GRID2: variants seen among roughly 807,000 people sequenced by gnomAD.
GRID2 encodes glutamate ionotropic receptor delta type subunit 2, also known as glutamate receptor ionotropic, delta-2.
A neutral mutation model predicts 114.8 loss-of-function variants in GRID2; 33 were observed. The observed-to-expected ratio is 0.29, with a 90% CI of 0.22 to 0.38. The LOEUF (loss-of-function observed/expected upper bound fraction) is 0.38. Among genes scored for constraint, GRID2 ranks in the 10% least tolerant of loss-of-function variants. The pLI, the probability that GRID2 is intolerant of heterozygous loss-of-function variation, is 1.00. For missense variants in GRID2, 1,184 were observed against 1,257.7 expected, an observed-to-expected ratio of 0.94 and a Z score of 0.89; for synonymous variants, 505 against 449.9, an observed-to-expected ratio of 1.12 and a Z score of -1.55.
intron 2 of GRID2, among the ~76,000 whole-genome samples, chr4:93,043,019 G>T (rs1369075526): frequency 1.3e-5 from 2 of 152,064 alleles, no homozygotes; most frequent in Non-Finnish European, 2.9e-5. Context: ...AATAGTTTGA[G>T]TGTCTGATTA....
chr4:92,779,348 A>T (rs1308969575), intron 2 of GRID2, among the ~76,000 whole-genome samples: 3 of 152,066 alleles, frequency 2.0e-5, no homozygotes, highest in Non-Finnish European at 4.4e-5. Context: ...GTTCATTTTC[A>T]TAAAATCTTT....
At chr4:93,023,007 C>T (rs1429928144) in intron 2 of GRID2, among the ~76,000 whole-genome samples, 1 of 151,530 alleles carries the variant, frequency 6.6e-6, no homozygotes, top group Non-Finnish European at 1.5e-5. Flanking sequence ...AGAATGTTGA[C>T]ATTGTTTATG....
chr4:93,456,162 A>G (rs942691164), intron 11 of GRID2, among the ~76,000 whole-genome samples, 188 bp downstream of exon 11: 1 of 152,172 alleles, frequency 6.6e-6, no homozygotes, highest in Admixed American at 6.5e-5. Flanking sequence ...AGTTTCCAGC[A>G]ATAATGGTTC....
intron 2 of GRID2, among the ~76,000 whole-genome samples, chr4:92,942,375 G>A (rs548559963): frequency 4.8e-4 from 73 of 152,222 alleles, no homozygotes; most frequent in Non-Finnish European, 7.4e-4. Context: ...TGTTTTATCA[G>A]AGACTAGGAT....
At chr4:93,066,237 A>T (rs1022296358) in intron 2 of GRID2, among the ~76,000 whole-genome samples, 2 of 151,958 alleles carry the variant, frequency 1.3e-5, no homozygotes, top group Non-Finnish European at 2.9e-5. Context: ...GAAAATTAAC[A>T]TGTGATGGTA....
chr4:92,729,062 G>A (rs903359658), intron 2 of GRID2, among the ~76,000 whole-genome samples: 5 of 151,790 alleles, frequency 3.3e-5, no homozygotes, highest in African/African-American at 9.7e-5. Flanking sequence ...GTTTTCTTAG[G>A]GGCTGCCTAC....
chr4:92,808,043 A>G (rs115816043), intron 2 of GRID2, among the ~76,000 whole-genome samples: 2,390 of 152,084 alleles, frequency 0.016, 60 homozygotes, highest in African/African-American at 0.054. Context: ...ATTATATTGT[A>G]ATCATAAGGG....
intron 2 of GRID2, among the ~76,000 whole-genome samples, chr4:92,702,024 G>A (rs1376732931): frequency 1.3e-5 from 2 of 152,124 alleles, no homozygotes; most frequent in African/African-American, 2.4e-5. Flanking sequence ...TTACAACCTC[G>A]ATGTTGGATC....
At chr4:93,125,911 T>C (rs1338881444) in intron 4 of GRID2, among the ~76,000 whole-genome samples, 1 of 152,214 alleles carries the variant, frequency 6.6e-6, no homozygotes, top group African/African-American at 2.4e-5. Flanking sequence ...GCATCCTTTC[T>C]CATGGAAGAT....
At chr4:92,539,703 A>T (rs558652499) in intron 1 of GRID2, among the ~76,000 whole-genome samples, 3 of 152,336 alleles carry the variant, frequency 2.0e-5, no homozygotes, top group African/African-American at 7.2e-5. Flanking sequence ...TTAGAAAAGC[A>T]GTTCTTATAT....
intron 2 of GRID2, among the ~76,000 whole-genome samples, chr4:93,020,954 C>T (rs1723222167): frequency 6.6e-6 from 1 of 151,692 alleles, no homozygotes; most frequent in South Asian, 2.1e-4. Flanking sequence ...ATCGCTTGCA[C>T]TGCAGGCAGA....
At chr4:93,684,446 T>C (rs999356916) in intron 14 of GRID2, among the ~76,000 whole-genome samples, 1 of 151,998 alleles carries the variant, frequency 6.6e-6, no homozygotes, top group African/African-American at 2.4e-5. Flanking sequence ...TTTGTTACCA[T>C]TGACTACAAA....
At chr4:93,574,623 C>G (rs543960082) in intron 13 of GRID2, among the ~76,000 whole-genome samples, 1 of 152,104 alleles carries the variant, frequency 6.6e-6, no homozygotes, top group Non-Finnish European at 1.5e-5. Flanking sequence ...GACTTATTCA[C>G]TATCACAAGA....
intron 2 of GRID2, among the ~76,000 whole-genome samples, chr4:92,625,539 T>C (rs1730478024): frequency 6.6e-6 from 1 of 151,862 alleles, no homozygotes; most frequent in African/African-American, 2.4e-5. Context: ...ACACAGTGGT[T>C]AGGGCACAGG....
At chr4:93,571,100 G>T (rs1735892249) in intron 13 of GRID2, among the ~76,000 whole-genome samples, 1 of 152,088 alleles carries the variant, frequency 6.6e-6, no homozygotes, top group African/African-American at 2.4e-5. Context: ...AGTTTAAACT[G>T]AGCTCTGAAA....
At chr4:92,794,630 A>G (rs1177955031) in intron 2 of GRID2, among the ~76,000 whole-genome samples, 1 of 151,556 alleles carries the variant, frequency 6.6e-6, no homozygotes, top group Non-Finnish European at 1.5e-5. Flanking sequence ...AAGTAAACAG[A>G]CGTTTGTCCT....
At chr4:93,022,215 CACAA>C (rs1330509026) in intron 2 of GRID2, among the ~76,000 whole-genome samples, 2 of 151,638 alleles carry the variant, frequency 1.3e-5, no homozygotes, top group South Asian at 2.1e-4. Flanking sequence ...TACACACACA[CACAA>C]ACACACACAT....
intron 11 of GRID2, among the ~76,000 whole-genome samples, chr4:93,459,548 T>G (rs1723543022): frequency 6.6e-6 from 1 of 152,176 alleles, no homozygotes; most frequent in Non-Finnish European, 1.5e-5. Flanking sequence ...TGTTGATAGA[T>G]ATGAGCATTG....
chr4:92,766,455 T>G (rs1477025123), intron 2 of GRID2, among the ~76,000 whole-genome samples: 1 of 145,056 alleles, frequency 6.9e-6, no homozygotes, highest in Non-Finnish European at 1.5e-5. Flanking sequence ...GAGAATGGCG[T>G]GAACCCAGGA....
Sources: allele counts gnomAD v4.1 joint callset (sites outside exome capture counted in the v4.1 genomes callset), GRCh38; gene constraint gnomAD v4.1.1; transcripts MANE v1.5; gene names NCBI Gene and HGNC (gene_info 2026-07-23, HGNC 2026-07-21).